Variants in MDFIC observed in about 807,000 individuals in gnomAD.
MDFIC encodes MyoD family inhibitor domain containing.
MDFIC carries 17 observed loss-of-function variants against 23.2 expected under a neutral mutation model. That is an observed-to-expected ratio of 0.73 (90% CI 0.50 to 1.10). The LOEUF (loss-of-function observed/expected upper bound fraction) is 1.10. Ranked by LOEUF, MDFIC falls within the 50% of genes least tolerant of loss-of-function variation. The pLI, the probability that MDFIC is intolerant of heterozygous loss-of-function variation, is 0.00. For missense variants in MDFIC, 356 were observed against 316.6 expected (o/e 1.12, Z -0.95); for synonymous variants, 120 against 115.2 (o/e 1.04, Z -0.27).
intron 4 of MDFIC, chr7:115,014,447 C>T (rs1465206182): frequency 7.8e-7 from 1 of 1,289,678 alleles, no homozygotes; most frequent in Non-Finnish European, 1.0e-6. Flanking sequence ...TTCTTTCCTA[C>T]ATCTTTGGTT....
At chr7:114,995,540 T>A (rs1009896190) in intron 4 of MDFIC, among the ~76,000 whole-genome samples, 2 of 152,232 alleles carry the variant, frequency 1.3e-5, no homozygotes, top group Non-Finnish European at 2.9e-5. Context: ...ATGTCCTTTC[T>A]TTTTGGTAGT....
intron 2 of MDFIC, among the ~76,000 whole-genome samples, chr7:114,932,441 A>G (rs1207475029): frequency 2.6e-5 from 4 of 152,244 alleles, no homozygotes; most frequent in Admixed American, 6.5e-5. Flanking sequence ...TGTAACTACT[A>G]TTAGCTAAGA....
intron 3 of MDFIC, among the ~76,000 whole-genome samples, chr7:114,974,688 T>C (rs1277301835): frequency 2.0e-5 from 3 of 152,146 alleles, no homozygotes; most frequent in Admixed American, 6.6e-5. Context: ...AGTATAGTTA[T>C]TACTAGCTAC....
chr7:115,007,525 A>C (rs1470662066), intron 4 of MDFIC, among the ~76,000 whole-genome samples: 3 of 150,192 alleles, frequency 2.0e-5, no homozygotes, highest in Admixed American at 1.3e-4. Context: ...TTAAATAAGC[A>C]CTTCAAATAA....
At chr7:114,930,534 G>A (rs1415510116) in intron 2 of MDFIC, among the ~76,000 whole-genome samples, 1 of 152,178 alleles carries the variant, frequency 6.6e-6, no homozygotes, top group Non-Finnish European at 1.5e-5. Context: ...ATGGCTATGA[G>A]GGAAGCTGTG....
chr7:114,922,716 C>T, intron 1 of MDFIC, 80 bp downstream of exon 1: 1 of 1,367,210 alleles, frequency 7.3e-7, no homozygotes, highest in East Asian at 3.0e-5. Context: ...ATCTCTCTTT[C>T]CAGCCCCTCC....
intron 3 of MDFIC, among the ~76,000 whole-genome samples, chr7:114,951,350 A>C (rs183053974): frequency 1.3e-5 from 2 of 152,308 alleles, no homozygotes; most frequent in Non-Finnish European, 2.9e-5. Context: ...GAATGGAAAA[A>C]AAAAATACAG....
chr7:114,998,249 G>T (rs1351805772), intron 4 of MDFIC, among the ~76,000 whole-genome samples: 4 of 152,250 alleles, frequency 2.6e-5, no homozygotes, highest in African/African-American at 9.6e-5. Flanking sequence ...GCGAAAAATA[G>T]TATCAAAGTG....
intron 4 of MDFIC, among the ~76,000 whole-genome samples, chr7:115,002,880 G>A (rs886658927): frequency 6.6e-6 from 1 of 152,168 alleles, no homozygotes; most frequent in African/African-American, 2.4e-5. Flanking sequence ...AAAAATATAT[G>A]TGTAGTGAGT....
Position 114,922,997 on chromosome 7 carries a change from G to C in MDFIC, c.-37G>C, listed in dbSNP as rs772227220. 3 of 1,508,830 alleles carry C rather than the reference G, an allele frequency of 2.0e-6. No individual in the cohort carries two copies. The highest frequency in any genetic ancestry group is 4.2e-5 in the Admixed American group (2 of 47,768). 93.5% of individuals were successfully genotyped at this position (1,508,830 alleles called of 1,614,324 possible). On this transcript the variant is annotated 5_prime_UTR_variant, in exon 2 of 5. Transcript: ENST00000393486. ...TGCGCCCTGCCGGGCGGCGAGCTAGGCGGCAGCGGCGCGGCGCGGGCTCGG... is the reference window on the plus strand; with the variant it reads ...TGCGCCCTGCCGGGCGGCGAGCTAGCCGGCAGCGGCGCGGCGCGGGCTCGG...
intron 2 of MDFIC, among the ~76,000 whole-genome samples, chr7:114,929,554 TG>T (rs1420888071): frequency 6.6e-6 from 1 of 152,164 alleles, no homozygotes; most frequent in Non-Finnish European, 1.5e-5. Context: ...ATAAGGGAGA[TG>T]GTGGAAAAGT....
chr7:114,981,922 C>T (rs540377869), intron 4 of MDFIC, among the ~76,000 whole-genome samples: 24 of 152,204 alleles, frequency 1.6e-4, no homozygotes, highest in African/African-American at 4.8e-4. Flanking sequence ...CAAAACAAAA[C>T]AAAAAATCCG....
intron 4 of MDFIC, among the ~76,000 whole-genome samples, chr7:114,980,816 T>C (rs1050265401): frequency 6.6e-6 from 1 of 152,178 alleles, no homozygotes; most frequent in African/African-American, 2.4e-5. Flanking sequence ...TAGAGACAAA[T>C]TGAGTTGTAA....
chr7:115,012,163 G>A (rs1310609526), intron 4 of MDFIC, among the ~76,000 whole-genome samples: 1 of 152,132 alleles, frequency 6.6e-6, no homozygotes, highest in Non-Finnish European at 1.5e-5. Flanking sequence ...CATTCTGAGA[G>A]AAGACAATCA....
At chr7:114,965,663 A>G (rs949815753) in intron 3 of MDFIC, among the ~76,000 whole-genome samples, 1 of 152,174 alleles carries the variant, frequency 6.6e-6, no homozygotes, top group Non-Finnish European at 1.5e-5. Context: ...GGGACGGGCC[A>G]GTTTTGTAAT....
At position 114,991,071 on chromosome 7, in the gene MDFIC, GT is replaced by G. The variant is rs1430986119; in HGVS notation, c.493+11294del. On this transcript the variant is annotated intron_variant, in intron 4 of 4. Coordinates refer to ENST00000393486, the MANE Select transcript of MDFIC (RefSeq NM_001166345.3). ...TGGTGTGAGATGGTATCTCATTGTG[GT>G]TTTGATTTGCATTTCTCTGATGGCC... Among the ~76,000 whole-genome samples the G allele has an allele frequency of 3.9e-5, 6 of 152,066 alleles. No homozygotes were observed. The East Asian group carries it at 1.2e-3, about 29-fold the overall frequency.
In MDFIC at chr7:115,016,757, A is replaced by G. The variant is rs1362975390; in HGVS notation, c.*822A>G. Reference sequence around the variant, plus strand: ...ACATAATAGTTGGGAACCAGTGTTGATCTCTCTCCCTTACCTTCTCCACTT... The same window carrying G: ...ACATAATAGTTGGGAACCAGTGTTGGTCTCTCTCCCTTACCTTCTCCACTT... On this transcript the variant is annotated 3_prime_UTR_variant, in exon 5 of 5. Coordinates refer to ENST00000393486, the MANE Select transcript of MDFIC (RefSeq NM_001166345.3). 6.5e-6 allele frequency: 1 copy of G among 152,904 alleles called. No individual in the cohort carries two copies. The highest frequency in any genetic ancestry group is 1.5e-5 in the Non-Finnish European group (1 of 68,630). The allele number at this position is 152,904 out of a possible 1,614,324, so 9.5% of individuals were successfully genotyped here.
chr7:114,979,790 G>A lies in MDFIC; in HGVS notation c.493+9G>A. The A allele has an allele frequency of 6.2e-7, 1 of 1,611,384 alleles. No homozygotes were observed. Among genetic ancestry groups the A allele is most frequent in the Admixed American group, 1.7e-5 (1 of 59,814 alleles). ...AGGCTCTTCACCTGAAGGTAAGTTTGAGATATATGTAGATTTTATTTGACC... is the reference window on the plus strand; with the variant it reads ...AGGCTCTTCACCTGAAGGTAAGTTTAAGATATATGTAGATTTTATTTGACC... On this transcript the variant is annotated intron_variant, in intron 4 of 4. Coordinates refer to ENST00000393486, the MANE Select transcript of MDFIC (RefSeq NM_001166345.3).
In MDFIC at chr7:115,018,120, C is replaced by T. The variant is rs1791828752; in HGVS notation, c.*2185C>T. The T allele has an allele frequency of 6.6e-6, 1 of 151,902 alleles. No individual in the cohort carries two copies. Among genetic ancestry groups the T allele is most frequent in the African/African-American group, 2.4e-5 (1 of 41,422 alleles). The allele number at this position is 151,902 out of a possible 1,614,324, so 9.4% of individuals were successfully genotyped here. ...AAACAGCTGTCTTCATTTTTCTCCT[C>T]TAAAGAACTTAATTCATTTGTTACA... On this transcript the variant is annotated 3_prime_UTR_variant, in exon 5 of 5. Coordinates refer to ENST00000393486, the MANE Select transcript of MDFIC (RefSeq NM_001166345.3).
Sources: gnomAD v4.1 joint callset for allele counts (sites outside exome capture counted in the v4.1 genomes callset) on GRCh38, gnomAD v4.1.1 for gene constraint, MANE v1.5 for transcripts, NCBI Gene and HGNC (gene_info 2026-07-23, HGNC 2026-07-21) for gene names.